The following EFCAB5 variants were observed in gnomAD, a reference collection of about 807,000 sequenced individuals.
EFCAB5 encodes EF-hand calcium binding domain 5.
EFCAB5 carries 131 observed loss-of-function variants against 167.9 expected under a neutral mutation model. The ratio of observed to expected loss-of-function variants is 0.78; its 90% confidence interval spans 0.68 to 0.90. EFCAB5 has a LOEUF of 0.90. Ranked by LOEUF, EFCAB5 falls within the 40% of genes least tolerant of loss-of-function variation. The pLI is 0.00. For missense variants in EFCAB5, 1,663 were observed against 1,745.2 expected, an observed-to-expected ratio of 0.95 and a Z score of 0.84; for synonymous variants, 574 against 602.8, an observed-to-expected ratio of 0.95 and a Z score of 0.70.
In EFCAB5 at chr17:30,090,543, A is replaced by T; in HGVS notation, c.3806A>T (p.Asn1269Ile). ...GAGGCTCTGGGAGTCCTCGATTTTA[A>T]CATCGGCCAAAATAGGATGTTGTTG... ...TGEALGVLDF[N>I]IGQNRMLLCQ... Residue 1269 changes from asparagine (N) to isoleucine (I), a missense_variant, in exon 20 of 23, where the codon AAC (asparagine) becomes ATC (isoleucine). Asn to Ile is a moderately radical substitution (Grantham distance 149). Transcript: ENST00000394835. 4 of 1,614,004 alleles carry T rather than the reference A, an allele frequency of 2.5e-6. No homozygotes were observed. Among genetic ancestry groups the T allele is most frequent in the Non-Finnish European group, 3.4e-6 (4 of 1,179,878 alleles).
At position 30,072,186 on chromosome 17, in the gene EFCAB5, G is replaced by T. The variant is rs749357919; in HGVS notation, c.2738-6029G>T. Among the ~76,000 whole-genome samples the T allele has an allele frequency of 1.4e-4, 21 of 152,250 alleles. No individual in the cohort carries two copies. The Middle Eastern group carries it at 0.017, about 123-fold the overall frequency. On this transcript the variant is annotated intron_variant, in intron 14 of 22. Coordinates refer to ENST00000394835, the MANE Select transcript of EFCAB5 (RefSeq NM_198529.4). The stretch of plus-strand genomic sequence containing the variant: ...ACACAAAGAAGTGATAAATGTTTGA[G>T]GTGATGAATATGCTCATTATGCTGA...
intron 3 of EFCAB5, among the ~76,000 whole-genome samples, chr17:29,955,759 A>G (rs775967644): frequency 3.3e-5 from 5 of 152,014 alleles, no homozygotes; most frequent in South Asian, 2.1e-4. Flanking sequence ...TATAGATTCA[A>G]TAAAATTCCT....
At chr17:30,076,365 C>G (rs559970949) in intron 14 of EFCAB5, among the ~76,000 whole-genome samples, 1 of 152,254 alleles carries the variant, frequency 6.6e-6, no homozygotes, top group Non-Finnish European at 1.5e-5. Flanking sequence ...TGCTCCACCT[C>G]TAGAACTATG....
intron 7 of EFCAB5, among the ~76,000 whole-genome samples, chr17:30,007,593 A>G (rs542525160): frequency 3.9e-5 from 6 of 152,288 alleles, no homozygotes; most frequent in Admixed American, 3.3e-4. Context: ...AACTTTTCCT[A>G]TTCTTCTGTG....
intron 3 of EFCAB5, among the ~76,000 whole-genome samples, chr17:29,944,496 A>G (rs1000341809): frequency 2.6e-5 from 4 of 152,136 alleles, no homozygotes; most frequent in Non-Finnish European, 5.9e-5. Context: ...GCTGACTGAC[A>G]TCTAGCAGGC....
intron 7 of EFCAB5, among the ~76,000 whole-genome samples, chr17:30,023,582 T>A (rs139693745): frequency 0.62 from 93,999 of 151,588 alleles, 31,455 homozygotes; most frequent in African/African-American, 0.88. Flanking sequence ...ATGGATTCGC[T>A]GCCGAATTCT....
chr17:29,966,094 T>C (rs1186084067), intron 3 of EFCAB5, among the ~76,000 whole-genome samples: 1 of 152,130 alleles, frequency 6.6e-6, no homozygotes, highest in African/African-American at 2.4e-5. Context: ...CCATTTAAAC[T>C]GTGTTAAAGT....
chr17:29,970,784 G>GT (rs978909932), intron 4 of EFCAB5, among the ~76,000 whole-genome samples: 6 of 151,936 alleles, frequency 3.9e-5, no homozygotes, highest in African/African-American at 1.5e-4. Flanking sequence ...TTGCCCTAAA[G>GT]TTTTTTGCAG....
rs1597537137 is a variant in EFCAB5 at position 29,930,191 on chromosome 17, G to A, written c.-127+862G>A. ...CTGTCGCCGACTGACGCTCCGAACGGGCGGCGGGCGGGCGGTTCCGCAGCT... is the reference window on the plus strand; with the variant it reads ...CTGTCGCCGACTGACGCTCCGAACGAGCGGCGGGCGGGCGGTTCCGCAGCT... On this transcript the variant is annotated intron_variant, in intron 1 of 3. Coordinates refer to the EFCAB5 transcript ENST00000448319. The A allele has an allele frequency of 8.7e-6, 5 of 577,538 alleles. No individual in the cohort carries two copies. The East Asian group carries it at 1.2e-4, about 14-fold the overall frequency. The allele number at this position is 577,538 out of a possible 1,614,324, so 35.8% of individuals were successfully genotyped here.
At chr17:30,000,072 G>A (rs1178164313) in intron 7 of EFCAB5, 96 bp downstream of exon 7, 1 of 838,010 alleles carries the variant, frequency 1.2e-6, no homozygotes, top group Non-Finnish European at 1.8e-6. Flanking sequence ...AGTATTAAAT[G>A]AAAGCACAAA....
rs781619878 is a variant in EFCAB5 at position 30,053,695 on chromosome 17, G to A, written c.1741G>A (p.Gly581Arg). The A allele has an allele frequency of 1.2e-6, 2 of 1,613,946 alleles. No individual in the cohort carries two copies. The highest frequency in any genetic ancestry group is 2.2e-5 in the East Asian group (1 of 44,884). ...AACTACAGAACAAGGACAGCACAAA[G>A]GGTCAATAGAAGGACAAGGACCACG... ...ESTTEQGQHK[G>R]SIEGQGPRRV... The change falls in exon 10 of 23, where the codon GGG becomes AGG. Residue 581 changes from glycine (G) to arginine (R), a missense_variant. By Grantham distance (125) the Gly-to-Arg change is moderately radical (BLOSUM62 -2). Transcript: ENST00000394835.
chr17:30,051,225 C>T lies in EFCAB5; in HGVS notation c.1300+8C>T. 3.1e-6 allele frequency: 5 copies of T among 1,612,888 alleles called. No homozygotes were observed. The highest frequency in any genetic ancestry group is 3.4e-6 in the Non-Finnish European group (4 of 1,179,002). On this transcript the variant is annotated splice_region_variant and intron_variant, in intron 9 of 22. Coordinates refer to ENST00000394835, the MANE Select transcript of EFCAB5 (RefSeq NM_198529.4). ...TTCGAAACCCACGACAATGTAAGTG[C>T]CGCTCAGAGGGAGTATGTTCAAGCT...
chr17:30,004,854 C>A (rs1751058971), intron 7 of EFCAB5, among the ~76,000 whole-genome samples: 1 of 137,258 alleles, frequency 7.3e-6, no homozygotes, highest in African/African-American at 2.8e-5. Flanking sequence ...CCAGGCTGGT[C>A]TCGAACTCCT....
intron 22 of EFCAB5, among the ~76,000 whole-genome samples, chr17:30,105,079 A>G (rs1021240686): frequency 6.6e-6 from 1 of 152,196 alleles, no homozygotes; most frequent in Non-Finnish European, 1.5e-5. Context: ...TTTGTCTCCG[A>G]AAATAAGGAC....
intron 4 of EFCAB5, among the ~76,000 whole-genome samples, chr17:29,983,961 A>G (rs2068228684): frequency 6.6e-6 from 1 of 152,046 alleles, no homozygotes; most frequent in Non-Finnish European, 1.5e-5. Flanking sequence ...CAGAAAACCA[A>G]TTTTGTGTAT....
chr17:30,065,860 A>T (rs1212892424), intron 14 of EFCAB5, among the ~76,000 whole-genome samples: 1 of 152,200 alleles, frequency 6.6e-6, no homozygotes, highest in Admixed American at 6.5e-5. Context: ...AAAGAGAAAA[A>T]GGTCATTATA....
intron 14 of EFCAB5, among the ~76,000 whole-genome samples, chr17:30,060,864 A>C (rs1437983079): frequency 1.3e-5 from 2 of 152,236 alleles, no homozygotes; most frequent in East Asian, 1.9e-4. Flanking sequence ...GCTGGGTTCC[A>C]ATACTGGATC....
At chr17:29,944,070 G>A (rs2067348169) in intron 3 of EFCAB5, among the ~76,000 whole-genome samples, 1 of 152,038 alleles carries the variant, frequency 6.6e-6, no homozygotes. Flanking sequence ...AATTTCAGGG[G>A]ATATTTTATT....
chr17:30,073,800 C>T, intron 14 of EFCAB5: 1 of 499,696 alleles, frequency 2.0e-6, no homozygotes, highest in Non-Finnish European at 3.8e-6. Flanking sequence ...GTGACACTCA[C>T]CTGTAATCCC....
Sources: allele counts gnomAD v4.1 joint callset (sites outside exome capture counted in the v4.1 genomes callset), GRCh38; gene constraint gnomAD v4.1.1; transcripts MANE v1.5; gene names NCBI Gene and HGNC (gene_info 2026-07-23, HGNC 2026-07-21).